SEMA5A: variants seen among roughly 807,000 people sequenced by gnomAD.
The protein encoded by SEMA5A is semaphorin-5A.
A neutral mutation model predicts 135.5 loss-of-function variants in SEMA5A; 55 were observed. The ratio of observed to expected loss-of-function variants is 0.41; its 90% CI spans 0.33 to 0.51. SEMA5A has a LOEUF of 0.51. SEMA5A is among the 20% of genes least tolerant of loss of function. The probability of loss-of-function intolerance (pLI) is 0.37; values close to 1 mark genes in which losing one functional copy is unlikely to be tolerated. For missense variants in SEMA5A, 1,290 were observed against 1,419.9 expected, an observed-to-expected ratio of 0.91 and a Z score of 1.47; for synonymous variants, 580 against 546.5, an observed-to-expected ratio of 1.06 and a Z score of -0.85.
rs191951550 is a variant in SEMA5A, at chr5:9,395,639, C to T, written c.-77-15616G>A. On this transcript the variant is annotated intron_variant, in intron 2 of 22. Coordinates refer to ENST00000382496, the MANE Select transcript of SEMA5A (RefSeq NM_003966.3). ...TTGACACTTTCCACTGTGACTTGGC[C>T]ATACTGCATTTTGGTCCTCAAAGTG... Among the ~76,000 whole-genome samples, 505 of 152,310 alleles carry T rather than the reference C, an allele frequency of 3.3e-3. 16 individuals are homozygous for T. The highest frequency in any genetic ancestry group is 0.031 in the Admixed American group (482 of 15,306).
chr5:9,331,344 C>T (rs1037161883), intron 4 of SEMA5A, among the ~76,000 whole-genome samples: 8 of 152,136 alleles, frequency 5.3e-5, no homozygotes, highest in African/African-American at 1.7e-4. Context: ...AAAGAAGAAA[C>T]TCATTAAATA....
rs528670727 is a variant in SEMA5A at position 9,355,202 on chromosome 5, G to A, written c.125-17390C>T. On this transcript the variant is annotated intron_variant, in intron 3 of 22. Transcript: ENST00000382496. Reference sequence around the variant, plus strand: ...AGACAATATTCACAACGACAAGTGGGAGGCTGATTCAGCTTGCAGCTATAG... The same window carrying A: ...AGACAATATTCACAACGACAAGTGGAAGGCTGATTCAGCTTGCAGCTATAG... Among the ~76,000 whole-genome samples, 12 of 151,912 alleles carry A rather than the reference G, an allele frequency of 7.9e-5. No individual in the cohort carries two copies. The South Asian group carries it at 2.5e-3, about 32-fold the overall frequency.
chr5:9,162,046 C>T (rs1369535278), intron 11 of SEMA5A, among the ~76,000 whole-genome samples: 2 of 152,216 alleles, frequency 1.3e-5, no homozygotes, highest in African/African-American at 4.8e-5. Flanking sequence ...TAGTTCATTT[C>T]AGAAACTTAT....
chr5:9,057,471 T>C (rs1276153827), intron 18 of SEMA5A, among the ~76,000 whole-genome samples: 1 of 152,250 alleles, frequency 6.6e-6, no homozygotes, highest in African/African-American at 2.4e-5. Flanking sequence ...GTGTATGTGA[T>C]CTAGTCTAAT....
intron 2 of SEMA5A, among the ~76,000 whole-genome samples, chr5:9,433,998 A>T (rs1757945049): frequency 6.6e-6 from 1 of 152,212 alleles, no homozygotes; most frequent in South Asian, 2.1e-4. Flanking sequence ...TTCATGCACC[A>T]AATACAGTGA....
intron 12 of SEMA5A, among the ~76,000 whole-genome samples, chr5:9,153,525 C>A (rs1004188739): frequency 1.3e-5 from 2 of 152,090 alleles, no homozygotes; most frequent in African/African-American, 2.4e-5. Context: ...TTCCCTGTGG[C>A]TGGAGACCTC....
At chr5:9,215,807 A>G (rs1195228285) in intron 8 of SEMA5A, among the ~76,000 whole-genome samples, 1 of 151,250 alleles carries the variant, frequency 6.6e-6, no homozygotes, top group Non-Finnish European at 1.5e-5. Context: ...TAGTCTAGCT[A>G]GTGGCCTATC....
chr5:9,350,760 C>T (rs1396008001), intron 3 of SEMA5A, among the ~76,000 whole-genome samples: 1 of 152,220 alleles, frequency 6.6e-6, no homozygotes, highest in Non-Finnish European at 1.5e-5. Context: ...AGAGAACAAT[C>T]TTTCCCAAGC....
chr5:9,421,703 T>C (rs529520105), intron 2 of SEMA5A, among the ~76,000 whole-genome samples: 5 of 152,300 alleles, frequency 3.3e-5, no homozygotes, highest in African/African-American at 1.2e-4. Flanking sequence ...CTTTTTTCTC[T>C]CTCTCTTTTT....
chr5:9,387,785 C>A (rs996701870), intron 2 of SEMA5A, among the ~76,000 whole-genome samples: 3 of 152,168 alleles, frequency 2.0e-5, no homozygotes, highest in Non-Finnish European at 4.4e-5. Flanking sequence ...AAAACGATAA[C>A]TGAACATTTT....
chr5:9,253,643 A>G (rs1460066630), intron 5 of SEMA5A, among the ~76,000 whole-genome samples: 1 of 152,150 alleles, frequency 6.6e-6, no homozygotes, highest in Non-Finnish European at 1.5e-5. Context: ...TACACTATCC[A>G]GGTGATTTAA....
intron 11 of SEMA5A, among the ~76,000 whole-genome samples, chr5:9,170,474 T>A (rs1743856186): frequency 1.3e-5 from 2 of 152,018 alleles, no homozygotes; most frequent in African/African-American, 4.8e-5. Context: ...GGCTGAATAT[T>A]TGTGCCCCCC....
rs750629106 is a variant in SEMA5A, at chr5:9,119,063, G to C, written c.1860C>G (p.Arg620=). The change falls in exon 15 of 23, where the codon CGC becomes CGG. Residue 620 remains arginine (R), a synonymous_variant. Coordinates refer to ENST00000382496, the MANE Select transcript of SEMA5A (RefSeq NM_003966.3). Reference sequence around the variant, plus strand: ...GCCTGGGAGTGGGGTTGCTGCAGGAGCGCTGCCGCACCTGGAAGCCGATCC... The same window carrying C: ...GCCTGGGAGTGGGGTTGCTGCAGGACCGCTGCCGCACCTGGAAGCCGATCC... ...TCGIGFQVRQ[R]SCSNPTPRHG... The C allele has an allele frequency of 1.4e-5, 22 of 1,613,560 alleles. No individual in the cohort carries two copies. The highest frequency in any genetic ancestry group is 1.7e-5 in the Non-Finnish European group (20 of 1,179,932).
chr5:9,150,283 G>T (rs1742562230), intron 12 of SEMA5A, among the ~76,000 whole-genome samples: 1 of 152,112 alleles, frequency 6.6e-6, no homozygotes, highest in Non-Finnish European at 1.5e-5. Context: ...AAATTCCTCA[G>T]AAATTAGTGA....
intron 5 of SEMA5A, among the ~76,000 whole-genome samples, chr5:9,314,885 C>T (rs929222494): frequency 2.6e-5 from 4 of 152,096 alleles, no homozygotes; most frequent in East Asian, 1.9e-4. Context: ...CAAAAAGTCA[C>T]GTCTTCTTGC....
chr5:9,114,539 G>C (rs1227944489), intron 15 of SEMA5A, among the ~76,000 whole-genome samples: 2 of 152,104 alleles, frequency 1.3e-5, no homozygotes, highest in African/African-American at 4.8e-5. Context: ...ACTGGAAAAA[G>C]GGAGAACTGC....
At chr5:9,525,457 A>C (rs1443297087) in intron 1 of SEMA5A, among the ~76,000 whole-genome samples, 2 of 152,222 alleles carry the variant, frequency 1.3e-5, no homozygotes, top group Non-Finnish European at 2.9e-5. Flanking sequence ...GCTGAATTCT[A>C]ATGAAGAAAA....
At position 9,063,121 on chromosome 5, in the gene SEMA5A, G is replaced by A. The variant is rs201059265; in HGVS notation, c.2300-16C>T. 4.1e-5 allele frequency: 65 copies of A among 1,598,744 alleles called. 1 individual carries two copies. The African/African-American group carries it at 7.1e-4, about 17-fold the overall frequency. On this transcript the variant is annotated splice_polypyrimidine_tract_variant and intron_variant, in intron 17 of 22. Coordinates refer to ENST00000382496, the MANE Select transcript of SEMA5A (RefSeq NM_003966.3). ...CCAGAAAGCCCTGCCAAGGAAACAG[G>A]TGAAGTGTGATTCTGTTACAAGTTT... is the stretch of plus-strand genomic sequence containing the variant.
At chr5:9,225,765 A>G (rs1283450384) in intron 7 of SEMA5A, among the ~76,000 whole-genome samples, 2 of 152,038 alleles carry the variant, frequency 1.3e-5, no homozygotes, top group African/African-American at 4.8e-5. Flanking sequence ...TTTCGTATGA[A>G]TCCAGCTTCC....
Sources: allele counts gnomAD v4.1 joint callset (sites outside exome capture counted in the v4.1 genomes callset), GRCh38; gene constraint gnomAD v4.1.1; transcripts MANE v1.5; gene names NCBI Gene and HGNC (gene_info 2026-07-23, HGNC 2026-07-21).